The following STX11 variants were observed in gnomAD, a reference collection of about 807,000 sequenced individuals.
STX11 encodes the protein syntaxin-11.
A neutral mutation model predicts 19.9 loss-of-function variants in STX11; 21 were observed. That is an observed-to-expected ratio of 1.06 (90% CI 0.75 to 1.52). The LOEUF is 1.52. Among genes scored for constraint, STX11 ranks in the 40% most tolerant of loss-of-function variants. The pLI, the probability that STX11 is intolerant of heterozygous loss-of-function variation, is 0.00. For missense variants in STX11, 438 were observed against 405.9 expected (o/e 1.08, Z -0.68); for synonymous variants, 193 against 174.4 (o/e 1.11, Z -0.84).
chr6:144,179,590 G>A (rs1801856664), intron 1 of STX11, among the ~76,000 whole-genome samples: 1 of 152,154 alleles, frequency 6.6e-6, no homozygotes, highest in African/African-American at 2.4e-5. Context: ...GTTGAGAAAG[G>A]GGTACACAGG....
chr6:144,186,844 C>G lies in STX11; in HGVS notation c.217C>G (p.Leu73Val). 1 of 1,613,308 alleles carries G rather than the reference C, an allele frequency of 6.2e-7. No individual in the cohort carries two copies. Among genetic ancestry groups the G allele is most frequent in the South Asian group, 1.1e-5 (1 of 91,084 alleles). ...KRLGKQNARF[L>V]TSMRRLSSIK... Reference sequence around the variant, plus strand: ...GCTGGGAAAGCAGAACGCCCGCTTCCTCACGTCCATGCGGCGCCTCAGCAG... The same window carrying G: ...GCTGGGAAAGCAGAACGCCCGCTTCGTCACGTCCATGCGGCGCCTCAGCAG... The change falls in exon 2 of 2, where the codon CTC (leucine) becomes GTC (valine). Residue 73 changes from leucine (L) to valine (V), a missense_variant. Transcript: ENST00000367568.
chr6:144,161,486 G>A (rs1360345085), intron 1 of STX11, among the ~76,000 whole-genome samples: 1 of 152,124 alleles, frequency 6.6e-6, no homozygotes, highest in African/African-American at 2.4e-5. Context: ...TCATGCCTCA[G>A]CCTCCCTAGT....
At chr6:144,157,211 C>G (rs550689893) in intron 1 of STX11, among the ~76,000 whole-genome samples, 1 of 152,322 alleles carries the variant, frequency 6.6e-6, no homozygotes, top group South Asian at 2.1e-4. Context: ...AGAGACTGAA[C>G]TGTGGGGCAT....
the STX11 span, among the ~76,000 whole-genome samples, chr6:144,144,868 T>C: frequency 1.3e-5 from 2 of 152,136 alleles, no homozygotes; most frequent in Non-Finnish European, 2.9e-5. Context: ...GGGTATGAAA[T>C]AGAAATCAAA....
chr6:144,172,043 A>G lies in STX11; in HGVS notation c.-5-14580A>G, dbSNP rs17073467. On this transcript the variant is annotated intron_variant, in intron 1 of 1. Coordinates refer to ENST00000367568, the MANE Select transcript of STX11 (RefSeq NM_003764.4). This position sits in a 1 kb window ranked among gnomAD's most constrained non-coding sequence, Gnocchi z 4.2. ...TTAAATGCACGAGAATTTACTTTCCAGAAATTATAATTTATCCATGATTCA... is the reference window on the plus strand; with the variant it reads ...TTAAATGCACGAGAATTTACTTTCCGGAAATTATAATTTATCCATGATTCA... Among the ~76,000 whole-genome samples, 18,176 of 152,160 alleles carry G rather than the reference A, an allele frequency of 0.12. 1,800 individuals carry two copies. The highest frequency in any genetic ancestry group is 0.46 in the East Asian group (2,374 of 5,172).
Position 144,175,151 on chromosome 6 carries a change from T to C in STX11, c.-5-11472T>C, listed in dbSNP as rs1411111592. Among the ~76,000 whole-genome samples, 1 of 152,074 alleles carries C rather than the reference T, an allele frequency of 6.6e-6. No homozygotes were observed. Among genetic ancestry groups the C allele is most frequent in the African/African-American group, 2.4e-5 (1 of 41,394 alleles). ...TGTAGTTTCAGCTACTCAGGAGGCT[T>C]AGGCATTGCTAAACATAGGAGGCAG... On this transcript the variant is annotated intron_variant, in intron 1 of 1. Transcript: ENST00000367568. This position sits in a 1 kb window ranked among gnomAD's most constrained non-coding sequence, Gnocchi z 5.1.
Position 144,152,495 on chromosome 6 carries a change from T to C in STX11, c.-6+1792T>C, listed in dbSNP as rs1246806402. On this transcript the variant is annotated intron_variant, in intron 1 of 1. Coordinates refer to ENST00000367568, the MANE Select transcript of STX11 (RefSeq NM_003764.4). The surrounding 1 kb of genome is among the most constrained non-coding windows in gnomAD (Gnocchi z 4.9). ...TTGAAAGGTATGGTTTTTAAAGTGC[T>C]TGAATGAACCATGTTTCATGTTATT... 6.6e-6 allele frequency among the ~76,000 whole-genome samples: 1 copy of C among 152,222 alleles called. No individual in the cohort carries two copies. Among genetic ancestry groups the C allele is most frequent in the East Asian group, 1.9e-4 (1 of 5,194 alleles).
Position 144,172,539 on chromosome 6 carries a change from G to A in STX11, c.-5-14084G>A, listed in dbSNP as rs944043915. 9.2e-5 allele frequency among the ~76,000 whole-genome samples: 14 copies of A among 152,176 alleles called. No individual in the cohort carries two copies. Among genetic ancestry groups the A allele is most frequent in the African/African-American group, 2.7e-4 (11 of 41,448 alleles). On this transcript the variant is annotated intron_variant, in intron 1 of 1. Coordinates refer to ENST00000367568, the MANE Select transcript of STX11 (RefSeq NM_003764.4). The surrounding 1 kb of genome is among the most constrained non-coding windows in gnomAD (Gnocchi z 4.2). ...AACTGATTCAAAGGGTAGAGAGACC[G>A]ACACCACTTCTTGATGGGACGTGCT...
Position 144,161,176 on chromosome 6 carries a change from T to C in STX11, c.-6+10473T>C, listed in dbSNP as rs554977680. Among the ~76,000 whole-genome samples, 127 of 152,300 alleles carry C rather than the reference T, an allele frequency of 8.3e-4. 2 individuals are homozygous for C. The highest frequency in any genetic ancestry group is 2.8e-3 in the African/African-American group (117 of 41,556). ...CCATTTATTATATTTTCATGAAGAATTTGAATTTTTAAATAAGAAGCAATG... is the reference window on the plus strand; with the variant it reads ...CCATTTATTATATTTTCATGAAGAACTTGAATTTTTAAATAAGAAGCAATG... On this transcript the variant is annotated intron_variant, in intron 1 of 1. Coordinates refer to ENST00000367568, the MANE Select transcript of STX11 (RefSeq NM_003764.4).
rs1800974288 is a variant in STX11 at position 144,150,567 on chromosome 6, C to T, written c.-142C>T. 12 of 985,442 alleles carry T rather than the reference C, an allele frequency of 1.2e-5. No homozygotes were observed. The highest frequency in any genetic ancestry group is 1.3e-5 in the Non-Finnish European group (11 of 829,952). The allele number at this position is 985,442 out of a possible 1,614,324, so 61.0% of individuals were successfully genotyped here. On this transcript the variant is annotated 5_prime_UTR_variant, in exon 1 of 2. Coordinates refer to ENST00000367568, the MANE Select transcript of STX11 (RefSeq NM_003764.4). ...TCGGGCGGCCGTGGAGGAACTCAGCCTCGGCCGCAGGAGGCGCCGGGAGCG... is the reference window on the plus strand; with the variant it reads ...TCGGGCGGCCGTGGAGGAACTCAGCTTCGGCCGCAGGAGGCGCCGGGAGCG...
Position 144,187,435 on chromosome 6 carries a change from G to A in STX11, c.808G>A (p.Glu270Lys), listed in dbSNP as rs527833711. The A allele has an allele frequency of 9.9e-6, 16 of 1,612,148 alleles. No homozygotes were observed. The highest frequency in any genetic ancestry group is 4.5e-5 in the East Asian group (2 of 44,858). ...GCAGGTGCGGAAGGCCGTGCAGTAC[G>A]AGGAGAAGAACCCCTGCCGGACCCT... Reference protein sequence around the residue: ...KAQVRKAVQYEEKNPCRTLCC... With the variant: ...KAQVRKAVQYKEKNPCRTLCC... Residue 270 changes from glutamate to lysine, a missense_variant, in exon 2 of 2, where the codon GAG becomes AAG. Transcript: ENST00000367568. This position sits in a 1 kb window ranked among gnomAD's most constrained non-coding sequence, Gnocchi z 5.6.
At position 144,152,325 on chromosome 6, in the gene STX11, A is replaced by C. The variant is rs575712063; in HGVS notation, c.-6+1622A>C. Among the ~76,000 whole-genome samples the C allele has an allele frequency of 6.6e-6, 1 of 152,376 alleles. No individual in the cohort carries two copies. Among genetic ancestry groups the C allele is most frequent in the South Asian group, 2.1e-4 (1 of 4,828 alleles). ...TACCCAGAGAAAAGTTTCTGTCCCA[A>C]TATGACTGATGTTTCTGAAGATCTG... is the stretch of plus-strand genomic sequence containing the variant. On this transcript the variant is annotated intron_variant, in intron 1 of 1. Coordinates refer to ENST00000367568, the MANE Select transcript of STX11 (RefSeq NM_003764.4). The surrounding 1 kb of genome is among the most constrained non-coding windows in gnomAD (Gnocchi z 4.9).
Position 144,191,853 on chromosome 6 carries a change from G to A in STX11, c.*4362G>A, listed in dbSNP as rs1301363529. On this transcript the variant is annotated 3_prime_UTR_variant, in exon 2 of 2. Transcript: ENST00000367568. ...TGATGAGTGTCTTTGTTATCAACAC[G>A]TTATTAAGAATGGGCAAGATGTCCT... Among the ~76,000 whole-genome samples, 2 of 152,170 alleles carry A rather than the reference G, an allele frequency of 1.3e-5. No homozygotes were observed. Among genetic ancestry groups the A allele is most frequent in the African/African-American group, 4.8e-5 (2 of 41,432 alleles).
In STX11 at chr6:144,187,612, T is replaced by G. The variant is rs1001870675; in HGVS notation, c.*121T>G. 9.5e-6 allele frequency: 13 copies of G among 1,372,308 alleles called. No homozygotes were observed. The highest frequency in any genetic ancestry group is 5.1e-4 in the Middle Eastern group (2 of 3,910). The allele number at this position is 1,372,308 out of a possible 1,614,324, so 85.0% of individuals were successfully genotyped here. On this transcript the variant is annotated 3_prime_UTR_variant, in exon 2 of 2. Transcript: ENST00000367568. The surrounding 1 kb of genome is among the most constrained non-coding windows in gnomAD (Gnocchi z 5.6). Reference sequence around the variant, plus strand: ...CCAACCCTTTCCGGAACTCAGTCTTTAGAAAAGAAACGCCAGGTTCAAGAA... The same window carrying G: ...CCAACCCTTTCCGGAACTCAGTCTTGAGAAAAGAAACGCCAGGTTCAAGAA...
At position 144,156,024 on chromosome 6, in the gene STX11, C is replaced by CCT. The variant is rs1562655655; in HGVS notation, c.-6+5321_-6+5322insCT. 6.7e-3 allele frequency among the ~76,000 whole-genome samples: 690 copies of CCT among 102,838 alleles called. 47 individuals are homozygous for CCT. The highest frequency in any genetic ancestry group is 0.036 in the African/African-American group (606 of 16,980). The allele number at this position is 102,838 out of a possible 152,430, so 67.5% of individuals were successfully genotyped here. A position where few individuals can be genotyped will look rare whatever the true frequency, so the allele number is the denominator to read the frequency against. On this transcript the variant is annotated intron_variant, in intron 1 of 1. Transcript: ENST00000367568. ...TTTCTTTCTTTCTTTCTCTCTTTCT[C>CCT]TCCTTCCTTCCTTCCTTCCTTCCTT...
chr6:144,162,224 A>G lies in STX11; in HGVS notation c.-6+11521A>G, dbSNP rs1801360504. Among the ~76,000 whole-genome samples, 1 of 152,232 alleles carries G rather than the reference A, an allele frequency of 6.6e-6. No individual in the cohort carries two copies. Among genetic ancestry groups the G allele is most frequent in the African/African-American group, 2.4e-5 (1 of 41,456 alleles). On this transcript the variant is annotated intron_variant, in intron 1 of 1. Transcript: ENST00000367568. This position sits in a 1 kb window ranked among gnomAD's most constrained non-coding sequence, Gnocchi z 4.6. ...CCCACCATCACGCCCTTTCCCGTAGATACTCGGCCTTTTATTATGAGTTCT... is the reference window on the plus strand; with the variant it reads ...CCCACCATCACGCCCTTTCCCGTAGGTACTCGGCCTTTTATTATGAGTTCT...
rs1801594751 is a variant in STX11 at position 144,170,249 on chromosome 6, A to T, written c.-5-16374A>T. 6.6e-6 allele frequency among the ~76,000 whole-genome samples: 1 copy of T among 152,214 alleles called. No individual in the cohort carries two copies. Among genetic ancestry groups the T allele is most frequent in the African/African-American group, 2.4e-5 (1 of 41,448 alleles). On this transcript the variant is annotated intron_variant, in intron 1 of 1. Coordinates refer to ENST00000367568, the MANE Select transcript of STX11 (RefSeq NM_003764.4). The surrounding 1 kb of genome is among the most constrained non-coding windows in gnomAD (Gnocchi z 4.7). ...TATAAGCAAAGAGTCATAGTGATTA[A>T]TACCTGAAGTTCTTGGTGCTATGTG...
At chr6:144,185,829 T>C (rs9496890) in intron 1 of STX11, among the ~76,000 whole-genome samples, 227 of 152,290 alleles carry the variant, frequency 1.5e-3, no homozygotes, top group African/African-American at 5.3e-3. Flanking sequence ...TTGTTGTCAT[T>C]TTACTTCAAG....
the STX11 span, among the ~76,000 whole-genome samples, chr6:144,140,462 C>T: frequency 6.6e-6 from 1 of 151,576 alleles, no homozygotes; most frequent in Non-Finnish European, 1.5e-5. Flanking sequence ...GCCGTGTTGG[C>T]CAGGCTGATC....
Sources: gnomAD v4.1 joint callset for allele counts (sites outside exome capture counted in the v4.1 genomes callset) on GRCh38, gnomAD v4.1.1 for gene constraint, Gnocchi (gnomAD v3.1) non-coding constraint, MANE v1.5 for transcripts, NCBI Gene and HGNC (gene_info 2026-07-23, HGNC 2026-07-21) for gene names.